SLC25A48: variants seen among roughly 807,000 people sequenced by gnomAD.
SLC25A48 encodes solute carrier family 25 member 48.
Under a neutral mutation model 32.2 loss-of-function variants are expected in SLC25A48, and 29 were observed. The observed-to-expected ratio is 0.90, with a 90% CI of 0.67 to 1.23. The LOEUF (loss-of-function observed/expected upper bound fraction) is 1.23. Ranked by LOEUF, SLC25A48 falls within the 50% of genes most tolerant of loss-of-function variation. The pLI, the probability that SLC25A48 is intolerant of heterozygous loss-of-function variation, is 0.00. For missense variants in SLC25A48, 399 were observed against 422.7 expected (o/e 0.94, Z 0.49); for synonymous variants, 164 against 172.3 (o/e 0.95, Z 0.38).
At chr5:135,879,106 A>T (rs1004803353) in intron 6 of SLC25A48, among the ~76,000 whole-genome samples, 1 of 152,184 alleles carries the variant, frequency 6.6e-6, no homozygotes, top group Non-Finnish European at 1.5e-5. Context: ...GATGGAAGAC[A>T]AATACAGGTG....
chr5:135,819,779 T>C (rs1350288853), intron 4 of SLC25A48, among the ~76,000 whole-genome samples: 1 of 152,102 alleles, frequency 6.6e-6, no homozygotes, highest in Non-Finnish European at 1.5e-5. Flanking sequence ...GGAAAAGATG[T>C]AAACCCTTAA....
intron 1 of SLC25A48, among the ~76,000 whole-genome samples, chr5:135,592,703 G>A (rs1580707249): frequency 6.6e-6 from 1 of 152,300 alleles, no homozygotes; most frequent in African/African-American, 2.4e-5. Context: ...GAGCACCACA[G>A]GTGTGTCCTG....
upstream of SLC25A48, among the ~76,000 whole-genome samples, chr5:135,832,518 T>C (rs1006490015): frequency 6.6e-6 from 1 of 151,974 alleles, no homozygotes; most frequent in African/African-American, 2.4e-5. Flanking sequence ...CTGTGTAGAC[T>C]AAAGGTGCAG....
rs560034474 is a variant in SLC25A48, at chr5:135,594,476, G to C, written c.-849+14879G>C. On this transcript the variant is annotated intron_variant, in intron 1 of 10. Coordinates refer to the SLC25A48 transcript ENST00000646290. ...CTCACTCTCTAGCTGTGTGACTTCT[G>C]GCACTTGATCTCAGTTTCCTAATTT... Among the ~76,000 whole-genome samples the C allele has an allele frequency of 1.1e-4, 17 of 152,294 alleles. No individual in the cohort carries two copies. In the South Asian group the frequency reaches 3.5e-3, roughly 32 times the overall value.
intron 3 of SLC25A48, among the ~76,000 whole-genome samples, chr5:135,789,211 G>A (rs1756949501): frequency 4.3e-5 from 1 of 23,082 alleles, no homozygotes; most frequent in Non-Finnish European, 2.8e-4. Context: ...CCCCCGCCAC[G>A]ATATGGTTTG....
intron 3 of SLC25A48, among the ~76,000 whole-genome samples, chr5:135,702,869 C>T (rs757712545): frequency 3.5e-4 from 53 of 152,224 alleles, no homozygotes; most frequent in Non-Finnish European, 5.9e-4. Context: ...AAAGGCTATT[C>T]AACACCAAAC....
intron 7 of SLC25A48, among the ~76,000 whole-genome samples, chr5:135,880,700 G>C (rs994735766): frequency 6.6e-6 from 1 of 152,100 alleles, no homozygotes; most frequent in Non-Finnish European, 1.5e-5. Context: ...TCTAGATAAA[G>C]CCTTCACCCT....
At chr5:135,631,591 G>C (rs801578) in intron 2 of SLC25A48, among the ~76,000 whole-genome samples, 134,708 of 152,268 alleles carry the variant, frequency 0.88, 59,780 homozygotes, top group East Asian at 0.99. Flanking sequence ...CCAACAAATG[G>C]CTAATTTTCC....
In SLC25A48 at chr5:135,706,445, A is replaced by G. The variant is rs374654920; in HGVS notation, c.-521+71489A>G. On this transcript the variant is annotated intron_variant, in intron 3 of 10. Coordinates refer to the SLC25A48 transcript ENST00000646290. ...TCCCCCATCTTTAAGCTGGTTAACA[A>G]TATTACCCACCTCAAAGGATTGATG... Among the ~76,000 whole-genome samples, 4 of 152,176 alleles carry G rather than the reference A, an allele frequency of 2.6e-5. 1 individual carries two copies. The East Asian group carries it at 7.7e-4, about 29-fold the overall frequency.
chr5:135,795,955 A>T (rs781632177), intron 3 of SLC25A48, among the ~76,000 whole-genome samples: 3 of 128,086 alleles, frequency 2.3e-5, no homozygotes, highest in Non-Finnish European at 4.8e-5. Flanking sequence ...ACCCACAGTG[A>T]TATGGTTCAT....
chr5:135,834,703 T>G lies in SLC25A48; in HGVS notation c.-145T>G. 1 of 874,494 alleles carries G rather than the reference T, an allele frequency of 1.1e-6. No individual in the cohort carries two copies. The highest frequency in any genetic ancestry group is 1.9e-5 in the South Asian group (1 of 51,882). 54.2% of individuals were successfully genotyped at this position (874,494 alleles called of 1,614,324 possible). A position where few individuals can be genotyped will look rare whatever the true frequency, so the allele number is the denominator to read the frequency against. ...CGCGGCAGCCCGCGCAGCCGGTGAC[T>G]GGGGGACTGGGTTTGGAGTAGGACC... On this transcript the variant is annotated 5_prime_UTR_variant, in exon 1 of 8. Coordinates refer to ENST00000681962, the MANE Select transcript of SLC25A48 (RefSeq NM_001349336.2).
chr5:135,874,591 C>A, intron 6 of SLC25A48: 1 of 653,190 alleles, frequency 1.5e-6, no homozygotes, highest in Non-Finnish European at 2.8e-6. Flanking sequence ...ATCTCACCAG[C>A]TCCAGGCCCT....
rs142869733 is a variant in SLC25A48, at chr5:135,796,462, T to C, written c.-520-16061T>C. On this transcript the variant is annotated intron_variant, in intron 3 of 10. Coordinates refer to the SLC25A48 transcript ENST00000646290. The stretch of plus-strand genomic sequence containing the variant: ...GTGGAGAGGGTGATATTACTCCCCA[T>C]ATCCCAGGGAGTGTACACACCCCTG... Among the ~76,000 whole-genome samples the C allele has an allele frequency of 3.0e-4, 45 of 151,786 alleles. No homozygotes were observed. In the East Asian group the frequency reaches 8.6e-3, roughly 29 times the overall value.
At chr5:135,595,854 A>C (rs1354287372) in intron 1 of SLC25A48, among the ~76,000 whole-genome samples, 1 of 152,202 alleles carries the variant, frequency 6.6e-6, no homozygotes, top group Non-Finnish European at 1.5e-5. Flanking sequence ...TCACTCATTC[A>C]ACCCAGGTTG....
chr5:135,691,690 C>A (rs1754146823), intron 3 of SLC25A48, among the ~76,000 whole-genome samples: 1 of 152,212 alleles, frequency 6.6e-6, no homozygotes, highest in Admixed American at 6.5e-5. Flanking sequence ...TACCTGCCCT[C>A]AAATCTTGCA....
intron 1 of SLC25A48, among the ~76,000 whole-genome samples, chr5:135,588,990 C>G (rs536870810): frequency 1.3e-5 from 2 of 152,262 alleles, no homozygotes; most frequent in South Asian, 4.2e-4. Context: ...ATTCTGAAGA[C>G]AGTACAGCAT....
chr5:135,753,067 A>G (rs1187824744), intron 3 of SLC25A48, among the ~76,000 whole-genome samples: 1 of 152,088 alleles, frequency 6.6e-6, no homozygotes, highest in Non-Finnish European at 1.5e-5. Flanking sequence ...GTACGTACAT[A>G]TGGTGTACAC....
intron 3 of SLC25A48, among the ~76,000 whole-genome samples, chr5:135,724,900 G>T (rs992848615): frequency 6.6e-6 from 1 of 152,260 alleles, no homozygotes; most frequent in African/African-American, 2.4e-5. Flanking sequence ...CAGAGGTGGA[G>T]AAACAGCACA....
At chr5:135,785,430 A>G (rs913996900) in intron 3 of SLC25A48, among the ~76,000 whole-genome samples, 2 of 151,168 alleles carry the variant, frequency 1.3e-5, no homozygotes, top group African/African-American at 2.4e-5. Flanking sequence ...ATTACTCCCT[A>G]TGCGGCGGGA....
Sources: gnomAD v4.1 joint callset for allele counts (sites outside exome capture counted in the v4.1 genomes callset) on GRCh38, gnomAD v4.1.1 for gene constraint, MANE v1.5 for transcripts, NCBI Gene and HGNC (gene_info 2026-07-23, HGNC 2026-07-21) for gene names.